TRPC3: variants seen among roughly 807,000 people sequenced by gnomAD.
TRPC3 encodes the protein transient receptor potential cation channel subfamily C member 3, also known as short transient receptor potential channel 3.
TRPC3 carries 54 observed loss-of-function variants against 90.9 expected under a neutral mutation model. The observed-to-expected ratio is 0.59, with a 90% CI of 0.48 to 0.75. The LOEUF (loss-of-function observed/expected upper bound fraction) is 0.75. TRPC3 is among the 30% of genes least tolerant of loss of function. The pLI is 0.00. For missense variants in TRPC3, 918 were observed against 1,194.5 expected, an observed-to-expected ratio of 0.77 and a Z score of 3.41; for synonymous variants, 424 against 450.9, an observed-to-expected ratio of 0.94 and a Z score of 0.75.
chr4:121,882,835 CAGA>C (rs1464884537), intron 10 of TRPC3, among the ~76,000 whole-genome samples: 2 of 151,932 alleles, frequency 1.3e-5, no homozygotes, highest in Non-Finnish European at 2.9e-5. Flanking sequence ...GGAAAATATA[CAGA>C]AGAACAAAAT....
intron 4 of TRPC3, among the ~76,000 whole-genome samples, chr4:121,913,737 A>G (rs1729194309): frequency 6.6e-6 from 1 of 152,208 alleles, no homozygotes; most frequent in South Asian, 2.1e-4. Context: ...ATTTTCCATG[A>G]TACATAACAA....
At chr4:121,891,137 G>A (rs1728313937) in intron 10 of TRPC3, among the ~76,000 whole-genome samples, 1 of 152,092 alleles carries the variant, frequency 6.6e-6, no homozygotes, top group Non-Finnish European at 1.5e-5. Flanking sequence ...AACTATATGA[G>A]GAAAACAATC....
intron 6 of TRPC3, 41 bp from the exon 7 acceptor site, chr4:121,907,608 A>C (rs760512827): frequency 6.4e-7 from 1 of 1,567,638 alleles, no homozygotes; most frequent in Non-Finnish European, 8.6e-7. Context: ...GGAGCTTTCT[A>C]TTCATTGCCA....
intron 3 of TRPC3, among the ~76,000 whole-genome samples, chr4:121,918,274 A>G (rs1227500188): frequency 6.6e-6 from 1 of 152,152 alleles, no homozygotes; most frequent in Non-Finnish European, 1.5e-5. Flanking sequence ...GAGACAAGAA[A>G]GTTTTGTTCT....
chr4:121,915,976 GTC>G (rs1184820264), intron 3 of TRPC3, among the ~76,000 whole-genome samples: 3 of 152,162 alleles, frequency 2.0e-5, no homozygotes, highest in Non-Finnish European at 4.4e-5. Flanking sequence ...AGGTGTCACT[GTC>G]TTCTAAAAAA....
Position 121,874,825 on chromosome 4 carries a change from G to C in TRPC3, c.*4911C>G, listed in dbSNP as rs2149099413. Among the ~76,000 whole-genome samples, 1 of 152,184 alleles carries C rather than the reference G, an allele frequency of 6.6e-6. No individual in the cohort carries two copies. Among genetic ancestry groups the C allele is most frequent in the Middle Eastern group, 3.4e-3 (1 of 294 alleles). On this transcript the variant is annotated 3_prime_UTR_variant, in exon 12 of 12. Coordinates refer to ENST00000379645, the MANE Select transcript of TRPC3 (RefSeq NM_001130698.2). ...TAACAGAAGGAAACTGATCTCAAAAGGAATAGAAGAAACCACAAAGGAAAA... is the reference window on the plus strand; with the variant it reads ...TAACAGAAGGAAACTGATCTCAAAACGAATAGAAGAAACCACAAAGGAAAA...
At chr4:121,936,881 G>T (rs546954425) in intron 1 of TRPC3, among the ~76,000 whole-genome samples, 1 of 152,152 alleles carries the variant, frequency 6.6e-6, no homozygotes, top group East Asian at 1.9e-4. Context: ...ATGATATTTT[G>T]TCATGGCAGC....
intron 7 of TRPC3, 131 bp from the exon 8 acceptor site, chr4:121,904,648 G>C (rs959062309): frequency 1.9e-6 from 1 of 530,128 alleles, no homozygotes; most frequent in Admixed American, 4.2e-5. Context: ...TCCAAGAGCA[G>C]GATTACTTTG....
At chr4:121,905,694 A>G (rs1460620288) in intron 7 of TRPC3, among the ~76,000 whole-genome samples, 1 of 152,170 alleles carries the variant, frequency 6.6e-6, no homozygotes, top group African/African-American at 2.4e-5. Context: ...CACATCCTAA[A>G]TAACAATGAA....
At chr4:121,900,092 A>T in intron 9 of TRPC3, among the ~76,000 whole-genome samples, 1 of 152,160 alleles carries the variant, frequency 6.6e-6, no homozygotes, top group Admixed American at 6.5e-5. Flanking sequence ...GAATAGAAAC[A>T]TATTGCAGGT....
At chr4:121,938,626 T>C (rs934375613) in intron 1 of TRPC3, among the ~76,000 whole-genome samples, 5 of 152,222 alleles carry the variant, frequency 3.3e-5, no homozygotes, top group African/African-American at 1.2e-4. Context: ...GAAGCAGGTA[T>C]AATTTTCTCT....
At chr4:121,947,466 G>C (rs951053083) in intron 1 of TRPC3, among the ~76,000 whole-genome samples, 1 of 152,098 alleles carries the variant, frequency 6.6e-6, no homozygotes, top group African/African-American at 2.4e-5. Flanking sequence ...TACAAGACCA[G>C]TGCCACAGAA....
At chr4:121,897,361 C>T (rs1728550125) in intron 10 of TRPC3, among the ~76,000 whole-genome samples, 1 of 142,230 alleles carries the variant, frequency 7.0e-6, no homozygotes, top group South Asian at 2.2e-4. Flanking sequence ...AGTGAAAAGA[C>T]AGCCTACAAA....
chr4:121,930,763 T>C, intron 2 of TRPC3: 1 of 366,960 alleles, frequency 2.7e-6, no homozygotes, highest in Non-Finnish European at 5.2e-6. Flanking sequence ...TATTTACAAG[T>C]GCTTTACCTA....
At chr4:121,912,815 T>C (rs1433998069) in intron 4 of TRPC3, among the ~76,000 whole-genome samples, 1 of 152,232 alleles carries the variant, frequency 6.6e-6, no homozygotes, top group African/African-American at 2.4e-5. Flanking sequence ...GTGACTCCTT[T>C]AAAATCCCCT....
intron 10 of TRPC3, among the ~76,000 whole-genome samples, chr4:121,883,121 C>T (rs1054448445): frequency 6.6e-6 from 1 of 151,894 alleles, no homozygotes; most frequent in Non-Finnish European, 1.5e-5. Context: ...CTATTTCATA[C>T]CATGAACACA....
chr4:121,878,303 CTTA>C lies in TRPC3; in HGVS notation c.*1430_*1432del, dbSNP rs1203225734. Among the ~76,000 whole-genome samples, 1 of 152,116 alleles carries C rather than the reference CTTA, an allele frequency of 6.6e-6. No homozygotes were observed. Among genetic ancestry groups the C allele is most frequent in the Non-Finnish European group, 1.5e-5 (1 of 68,024 alleles). ...GAGCTTTATGTAGTTCCATTTAACA[CTTA>C]TTTCTGTCTTCATGTCTAAAGAGCT... On this transcript the variant is annotated 3_prime_UTR_variant, in exon 12 of 12. Coordinates refer to ENST00000379645, the MANE Select transcript of TRPC3 (RefSeq NM_001130698.2).
intron 1 of TRPC3, among the ~76,000 whole-genome samples, chr4:121,942,667 G>A (rs1441811614): frequency 6.6e-6 from 1 of 152,202 alleles, no homozygotes; most frequent in Non-Finnish European, 1.5e-5. Flanking sequence ...AGAAGCTGTT[G>A]TGTATTTAAG....
intron 10 of TRPC3, among the ~76,000 whole-genome samples, chr4:121,895,059 A>G (rs1209362910): frequency 6.6e-6 from 1 of 152,208 alleles, no homozygotes; most frequent in African/African-American, 2.4e-5. Flanking sequence ...ATATTCCTGA[A>G]TGACCAATGA....
Sources: allele counts gnomAD v4.1 joint callset (sites outside exome capture counted in the v4.1 genomes callset), GRCh38; gene constraint gnomAD v4.1.1; transcripts MANE v1.5; gene names NCBI Gene and HGNC (gene_info 2026-07-23, HGNC 2026-07-21).